Variants in NEDD4 observed in about 807,000 individuals in gnomAD.
The protein encoded by NEDD4 is NEDD4 E3 ubiquitin protein ligase.
A neutral mutation model predicts 144.9 loss-of-function variants in NEDD4; 99 were observed. The observed-to-expected ratio is 0.68, with a 90% CI of 0.58 to 0.81. The LOEUF (loss-of-function observed/expected upper bound fraction) is 0.81. Among genes scored for constraint, NEDD4 ranks in the 30% least tolerant of loss-of-function variants. The pLI is 0.00. For synonymous variants in NEDD4, 318 were observed against 350.6 expected (o/e 0.91, Z 1.04); for missense variants, 985 against 1,065.9 (o/e 0.92, Z 1.06).
At chr15:55,903,867 T>C (rs200830834) in intron 5 of NEDD4, among the ~76,000 whole-genome samples, 20,807 of 106,762 alleles carry the variant, frequency 0.19, 1,667 homozygotes, top group East Asian at 0.43. Context: ...TATATATATA[T>C]ACACACATTG....
chr15:55,924,595 C>T (rs2271289), intron 5 of NEDD4, 51 bp downstream of exon 5: 516,035 of 1,505,520 alleles, frequency 0.34, 89,710 homozygotes, highest in East Asian at 0.42. Flanking sequence ...CTGGCTGCTC[C>T]ACTGAAATGT....
intron 1 of NEDD4, among the ~76,000 whole-genome samples, chr15:55,976,819 C>A (rs1163491329): frequency 6.6e-6 from 1 of 151,560 alleles, no homozygotes; most frequent in Non-Finnish European, 1.5e-5. Flanking sequence ...ATTTTTAGTA[C>A]AGACGGGGTT....
chr15:55,970,970 G>C (rs1366834852), intron 1 of NEDD4, among the ~76,000 whole-genome samples: 4 of 152,124 alleles, frequency 2.6e-5, no homozygotes, highest in African/African-American at 9.7e-5. Flanking sequence ...ATTCCAGAGG[G>C]ACAGAGATAC....
chr15:55,868,584 T>C (rs764138904), intron 8 of NEDD4, among the ~76,000 whole-genome samples: 28 of 152,152 alleles, frequency 1.8e-4, no homozygotes, highest in Non-Finnish European at 1.2e-4. Context: ...CCTGCCACCA[T>C]ATAAGCTGTG....
intron 18 of NEDD4, among the ~76,000 whole-genome samples, chr15:55,846,183 T>C (rs2033734303): frequency 6.6e-6 from 1 of 152,248 alleles, no homozygotes; most frequent in South Asian, 2.1e-4. Context: ...TATCATGTTT[T>C]CTTTTTGCTA....
chr15:55,988,973 C>G (rs1254342845), intron 1 of NEDD4, among the ~76,000 whole-genome samples: 2 of 152,128 alleles, frequency 1.3e-5, no homozygotes, highest in African/African-American at 4.8e-5. Flanking sequence ...CGGTGCCTCA[C>G]GCCTATAATC....
chr15:55,844,139 A>T (rs560548512), intron 18 of NEDD4, among the ~76,000 whole-genome samples: 3 of 152,136 alleles, frequency 2.0e-5, no homozygotes, highest in Non-Finnish European at 4.4e-5. Context: ...AACAGCATAC[A>T]TGAGAGGTCT....
intron 8 of NEDD4, among the ~76,000 whole-genome samples, chr15:55,864,285 T>C (rs149189977): frequency 3.9e-5 from 6 of 152,196 alleles, no homozygotes; most frequent in African/African-American, 1.4e-4. Flanking sequence ...GGGAAAGACA[T>C]AGTCTGTTCT....
At chr15:55,872,366 T>C in intron 7 of NEDD4, 49 bp downstream of exon 7, 1 of 856,484 alleles carries the variant, frequency 1.2e-6, no homozygotes, top group Non-Finnish European at 1.8e-6. Flanking sequence ...TAAGGTGTAA[T>C]GAAGAGATAA....
At chr15:55,955,597 G>C (rs1345329765) in intron 2 of NEDD4, among the ~76,000 whole-genome samples, 4 of 152,086 alleles carry the variant, frequency 2.6e-5, no homozygotes, top group African/African-American at 7.2e-5. Context: ...ATTTCAGTTA[G>C]TGTAATATCC....
At chr15:55,972,939 T>C (rs903522942) in intron 1 of NEDD4, among the ~76,000 whole-genome samples, 6 of 152,174 alleles carry the variant, frequency 3.9e-5, no homozygotes, top group African/African-American at 1.4e-4. Context: ...GATACAACAA[T>C]TGTAAATACA....
intron 2 of NEDD4, among the ~76,000 whole-genome samples, chr15:55,955,224 T>C (rs1475007770): frequency 6.6e-6 from 1 of 152,238 alleles, no homozygotes; most frequent in Non-Finnish European, 1.5e-5. Flanking sequence ...GGTTTCACCA[T>C]GTTGCCCAAG....
At chr15:55,981,840 T>A (rs1210410830) in intron 1 of NEDD4, among the ~76,000 whole-genome samples, 1 of 152,222 alleles carries the variant, frequency 6.6e-6, no homozygotes, top group Non-Finnish European at 1.5e-5. Context: ...CAACCACAGG[T>A]ACAGAACATG....
intron 5 of NEDD4, among the ~76,000 whole-genome samples, chr15:55,918,680 T>C (rs1387285479): frequency 6.6e-6 from 1 of 152,196 alleles, no homozygotes; most frequent in Non-Finnish European, 1.5e-5. Context: ...ATTATGGGAA[T>C]TCATTGCATT....
intron 5 of NEDD4, among the ~76,000 whole-genome samples, chr15:55,906,446 G>A (rs1595826525): frequency 6.6e-6 from 1 of 152,178 alleles, no homozygotes; most frequent in Non-Finnish European, 1.5e-5. Flanking sequence ...GGAATACTAT[G>A]CAGCCATAAA....
chr15:55,926,339 C>G lies in NEDD4; in HGVS notation c.238-1640G>C, dbSNP rs74962702. ...GCTGACTCAGCTGGGAGAGATGTCC[C>G]TTTTGCCCCTTGCATTTATCTTTCC... On this transcript the variant is annotated intron_variant, in intron 4 of 28. Coordinates refer to ENST00000435532, the MANE Select transcript of NEDD4 (RefSeq NM_006154.4). 7.5e-3 allele frequency among the ~76,000 whole-genome samples: 1,135 copies of G among 152,236 alleles called. 14 individuals are homozygous for G. The highest frequency in any genetic ancestry group is 0.026 in the African/African-American group (1,094 of 41,518).
At chr15:55,960,130 C>A (rs540430170) in intron 2 of NEDD4, among the ~76,000 whole-genome samples, 1 of 152,234 alleles carries the variant, frequency 6.6e-6, no homozygotes, top group East Asian at 1.9e-4. Context: ...GACCCCATAC[C>A]CCCAAAGGAC....
rs74015344 is a variant in NEDD4 at position 55,957,256 on chromosome 15, T to A, written c.120-5667A>T. On this transcript the variant is annotated intron_variant, in intron 2 of 28. Coordinates refer to ENST00000435532, the MANE Select transcript of NEDD4 (RefSeq NM_006154.4). The stretch of plus-strand genomic sequence containing the variant: ...TGTTGTCTGCAAATAAAGACAGTTT[T>A]ACTTCTTCCTTTTTGACTGTGTGAT... 9.5e-3 allele frequency among the ~76,000 whole-genome samples: 1,440 copies of A among 152,320 alleles called. 36 individuals carry two copies. The highest frequency in any genetic ancestry group is 0.033 in the African/African-American group (1,381 of 41,566).
intron 1 of NEDD4, among the ~76,000 whole-genome samples, chr15:55,973,225 A>C: frequency 6.6e-6 from 1 of 152,224 alleles, no homozygotes; most frequent in East Asian, 1.9e-4. Flanking sequence ...GATAAACCAC[A>C]TGTTAGCCAC....
Sources: allele counts gnomAD v4.1 joint callset (sites outside exome capture counted in the v4.1 genomes callset), GRCh38; gene constraint gnomAD v4.1.1; transcripts MANE v1.5; gene names NCBI Gene and HGNC (gene_info 2026-07-23, HGNC 2026-07-21).